Variants in MMRN1 observed in about 807,000 individuals in gnomAD.
MMRN1 encodes the protein multimerin 1.
In MMRN1, 94 loss-of-function variants were observed where a neutral mutation model predicts 100.7. The ratio of observed to expected loss-of-function variants is 0.93; its 90% CI spans 0.79 to 1.11. The LOEUF is 1.11. Among genes scored for constraint, MMRN1 ranks in the 50% least tolerant of loss-of-function variants. The probability of loss-of-function intolerance (pLI) is 0.00; values close to 1 mark genes in which losing one functional copy is unlikely to be tolerated. For synonymous variants in MMRN1, 575 were observed against 505.0 expected, an observed-to-expected ratio of 1.14 and a Z score of -1.86; for missense variants, 1,606 against 1,439.1, an observed-to-expected ratio of 1.12 and a Z score of -1.88.
intron 6 of MMRN1, among the ~76,000 whole-genome samples, chr4:89,942,560 T>A (rs559403595): frequency 1.3e-5 from 2 of 152,254 alleles, no homozygotes; most frequent in Admixed American, 1.3e-4. Context: ...AATTGCCAGT[T>A]TTACTATACA....
intron 3 of MMRN1, among the ~76,000 whole-genome samples, chr4:89,917,013 A>T (rs1721942776): frequency 6.6e-6 from 1 of 151,496 alleles, no homozygotes; most frequent in South Asian, 2.1e-4. Flanking sequence ...GCACGGAGGG[A>T]ACTATATCTT....
intron 4 of MMRN1, among the ~76,000 whole-genome samples, 159 bp from the exon 5 acceptor site, chr4:89,927,636 G>T (rs969304631): frequency 6.6e-6 from 1 of 152,094 alleles, no homozygotes; most frequent in African/African-American, 2.4e-5. Context: ...TCTAGCTAGA[G>T]CTTCTAGTGC....
intron 6 of MMRN1, among the ~76,000 whole-genome samples, chr4:89,937,613 C>G (rs1486214536): frequency 6.6e-6 from 1 of 152,060 alleles, no homozygotes; most frequent in African/African-American, 2.4e-5. Context: ...GTTCACCTCT[C>G]TAGGCCTTAG....
chr4:89,881,265 T>G (rs916574941), intron 1 of MMRN1, among the ~76,000 whole-genome samples: 2 of 152,144 alleles, frequency 1.3e-5, no homozygotes, highest in Non-Finnish European at 2.9e-5. Flanking sequence ...GGCACATACT[T>G]ACTTCAAAAC....
At chr4:89,938,513 T>TATATATATA (rs1472180407) in intron 6 of MMRN1, among the ~76,000 whole-genome samples, 2 of 77,798 alleles carry the variant, frequency 2.6e-5, no homozygotes, top group African/African-American at 1.2e-4. Flanking sequence ...ATATATATAT[T>TATATATATA]TAAAATATAT....
chr4:89,889,508 A>T (rs2110573544), intron 1 of MMRN1, among the ~76,000 whole-genome samples: 1 of 152,158 alleles, frequency 6.6e-6, no homozygotes, highest in East Asian at 1.9e-4. Context: ...CAGCCCACAG[A>T]ATTATTCGAA....
Position 89,881,281 on chromosome 4 carries a change from C to G in MMRN1, c.-249+1679C>G, listed in dbSNP as rs150427856. 6.9e-3 allele frequency among the ~76,000 whole-genome samples: 1,048 copies of G among 152,228 alleles called. 12 individuals carry two copies. The highest frequency in any genetic ancestry group is 0.024 in the African/African-American group (1,010 of 41,544). On this transcript the variant is annotated intron_variant, in intron 1 of 8. Transcript: ENST00000394980. ...GCACATACTTACTTCAAAACTCAAA[C>G]TACATTTGTAAATTTTAAGCAAATA...
intron 1 of MMRN1, among the ~76,000 whole-genome samples, chr4:89,899,707 T>C (rs1275947246): frequency 6.6e-6 from 1 of 152,114 alleles, no homozygotes; most frequent in Non-Finnish European, 1.5e-5. Context: ...AGTGAATGGC[T>C]AGTTCCATAA....
chr4:89,933,949 TTAAA>T (rs1172895210), intron 5 of MMRN1, among the ~76,000 whole-genome samples: 1 of 152,184 alleles, frequency 6.6e-6, no homozygotes, highest in Non-Finnish European at 1.5e-5. Flanking sequence ...TTTTTATATT[TTAAA>T]TAGTCATTTT....
In MMRN1 at chr4:89,904,389, C is replaced by A. The variant is rs148261264; in HGVS notation, c.624-4887C>A. ...TCATCACTGCCATCTATTTCTGGAA[C>A]GTTTTCATCTTCCCAAACTGAAGCT... On this transcript the variant is annotated intron_variant, in intron 1 of 7. Coordinates refer to ENST00000264790, the MANE Select transcript of MMRN1 (RefSeq NM_007351.3). Among the ~76,000 whole-genome samples the A allele has an allele frequency of 2.5e-3, 384 of 151,762 alleles. 4 individuals are homozygous for A. Among genetic ancestry groups the A allele is most frequent in the African/African-American group, 8.6e-3 (355 of 41,456 alleles).
chr4:89,904,786 G>C (rs895579570), intron 1 of MMRN1, among the ~76,000 whole-genome samples: 5 of 151,598 alleles, frequency 3.3e-5, no homozygotes, highest in Admixed American at 1.3e-4. Context: ...CATGTACTCT[G>C]ACTAGTGTTG....
chr4:89,936,792 T>C lies in MMRN1; in HGVS notation c.3112T>C (p.Tyr1038His). 1 of 1,584,328 alleles carries C rather than the reference T, an allele frequency of 6.3e-7. No individual in the cohort carries two copies. Among genetic ancestry groups the C allele is most frequent in the Non-Finnish European group, 8.5e-7 (1 of 1,170,082 alleles). Residue 1038 changes from tyrosine (Y) to histidine (H), a missense_variant, in exon 6 of 8, where the codon TAT becomes CAT. Transcript: ENST00000264790. ...TCAAAGAAACACGGACAACATAATA[T>C]ATCCTGGTAAGCTGTTACTGAAAAG... ...RTQRNTDNII[Y>H]PEEYSSCSRH... is the part of the protein sequence containing the mutation.
intron 6 of MMRN1, among the ~76,000 whole-genome samples, chr4:89,946,370 C>G (rs1722986400): frequency 6.6e-6 from 1 of 152,152 alleles, no homozygotes; most frequent in African/African-American, 2.4e-5. Flanking sequence ...TATCTGCCCT[C>G]TACAATGTTA....
chr4:89,942,293 T>C (rs1441278700), intron 6 of MMRN1, among the ~76,000 whole-genome samples: 1 of 152,170 alleles, frequency 6.6e-6, no homozygotes, highest in Non-Finnish European at 1.5e-5. Flanking sequence ...TTAAATGCAA[T>C]AAACATATAT....
chr4:89,946,273 G>A (rs1722982590), intron 6 of MMRN1, among the ~76,000 whole-genome samples: 1 of 152,128 alleles, frequency 6.6e-6, no homozygotes, highest in South Asian at 2.1e-4. Flanking sequence ...GCTTTCATCT[G>A]TGTATTATAA....
At chr4:89,927,660 A>C in intron 4 of MMRN1, 135 bp from the exon 5 acceptor site, 1 of 677,806 alleles carries the variant, frequency 1.5e-6, no homozygotes, top group South Asian at 2.2e-5. Flanking sequence ...GTTGAAAAAT[A>C]GTGGTGAAAG....
chr4:89,935,173 G>C lies in MMRN1; in HGVS notation c.1493G>C (p.Arg498Thr). ...GGTGCTCTAGAACAGGAACACTCAAGAAGCATTCTGTATTATGAATCCCTC... is the reference window on the plus strand; with the variant it reads ...GGTGCTCTAGAACAGGAACACTCAACAAGCATTCTGTATTATGAATCCCTC... ...LEGALEQEHS[R>T]SILYYESLNK... Residue 498 changes from arginine to threonine, a missense_variant, in exon 6 of 8, where the codon AGA becomes ACA. Arg to Thr is a moderately conservative substitution (Grantham distance 71). Transcript: ENST00000264790. The C allele has an allele frequency of 1.9e-6, 3 of 1,613,336 alleles. No individual in the cohort carries two copies. The highest frequency in any genetic ancestry group is 2.5e-6 in the Non-Finnish European group (3 of 1,179,668).
At chr4:89,929,151 C>G (rs531674292) in intron 5 of MMRN1, among the ~76,000 whole-genome samples, 1 of 152,002 alleles carries the variant, frequency 6.6e-6, no homozygotes, top group African/African-American at 2.4e-5. Context: ...GCGTCCCAGT[C>G]GGGTTTATTG....
chr4:89,918,188 TAA>T (rs768577004), intron 3 of MMRN1, among the ~76,000 whole-genome samples: 35 of 151,138 alleles, frequency 2.3e-4, no homozygotes, highest in South Asian at 6.2e-4. Context: ...ATAGAATATA[TAA>T]GTTTCAAATG....
Sources: allele counts gnomAD v4.1 joint callset (sites outside exome capture counted in the v4.1 genomes callset), GRCh38; gene constraint gnomAD v4.1.1; transcripts MANE v1.5; gene names NCBI Gene and HGNC (gene_info 2026-07-23, HGNC 2026-07-21).